DRC11: variants seen among roughly 807,000 people sequenced by gnomAD.
The protein encoded by DRC11 is IQ and AAA domain-containing protein 1.
the DRC11 span, among the ~76,000 whole-genome samples, chr2:236,461,119 T>C: frequency 5.9e-5 from 9 of 152,220 alleles, no homozygotes; most frequent in Non-Finnish European, 1.2e-4. This position sits in a 1 kb window ranked among gnomAD's most constrained non-coding sequence, Gnocchi z 4.0. Context: ...TATTTTAGCA[T>C]ATTTGGGGTT....
the DRC11 span, among the ~76,000 whole-genome samples, chr2:236,450,299 TTTTTC>T: frequency 7.3e-5 from 11 of 150,540 alleles, no homozygotes; most frequent in African/African-American, 2.2e-4. Flanking sequence ...TTGGCTTTCT[TTTTTC>T]TTTTCTTTTC....
the DRC11 span, among the ~76,000 whole-genome samples, chr2:236,398,992 ATT>A: frequency 4.8e-5 from 7 of 144,490 alleles, no homozygotes; most frequent in Admixed American, 1.4e-4. This position sits in a 1 kb window ranked among gnomAD's most constrained non-coding sequence, Gnocchi z 6.2. Context: ...ACCAAAAGGA[ATT>A]TTTTTTTTTT....
chr2:236,480,576 A>G, the DRC11 span, among the ~76,000 whole-genome samples: 3 of 152,150 alleles, frequency 2.0e-5, no homozygotes, highest in South Asian at 6.2e-4. Flanking sequence ...GATTTTTAGA[A>G]GTTATTTCAA....
chr2:236,393,317 G>C, the DRC11 span, among the ~76,000 whole-genome samples: 3 of 152,242 alleles, frequency 2.0e-5, no homozygotes, highest in East Asian at 5.8e-4. The surrounding 1 kb of genome is among the most constrained non-coding windows in gnomAD (Gnocchi z 4.7). Flanking sequence ...ACCTCTAAGG[G>C]ACAAGGGCTG....
chr2:236,445,020 G>A, the DRC11 span, among the ~76,000 whole-genome samples: 116 of 152,296 alleles, frequency 7.6e-4, 1 homozygote, highest in Middle Eastern at 3.4e-3. The surrounding 1 kb of genome is among the most constrained non-coding windows in gnomAD (Gnocchi z 4.8). Flanking sequence ...CAGCCTGGAC[G>A]GGGCTTAGAG....
the DRC11 span, among the ~76,000 whole-genome samples, chr2:236,325,307 T>A: frequency 6.6e-6 from 1 of 152,328 alleles, no homozygotes; most frequent in Middle Eastern, 3.4e-3. The surrounding 1 kb of genome is among the most constrained non-coding windows in gnomAD (Gnocchi z 4.4). Context: ...GACATTTGGG[T>A]TTATAAACTT....
the DRC11 span, among the ~76,000 whole-genome samples, chr2:236,479,830 T>C: frequency 6.6e-6 from 1 of 152,224 alleles, no homozygotes; most frequent in African/African-American, 2.4e-5. This position sits in a 1 kb window ranked among gnomAD's most constrained non-coding sequence, Gnocchi z 4.1. Context: ...CAGTGGCTTT[T>C]AGATCTTTAA....
At chr2:236,318,483 G>A in the DRC11 span, among the ~76,000 whole-genome samples, 2 of 152,084 alleles carry the variant, frequency 1.3e-5, no homozygotes, top group Non-Finnish European at 2.9e-5. The surrounding 1 kb of genome is among the most constrained non-coding windows in gnomAD (Gnocchi z 7.0). Context: ...TGTGTGGGAT[G>A]TATGTATGCA....
At chr2:236,439,470 A>G in the DRC11 span, among the ~76,000 whole-genome samples, 1 of 152,194 alleles carries the variant, frequency 6.6e-6, no homozygotes, top group Admixed American at 6.5e-5. Flanking sequence ...GATAGTGTGT[A>G]TTTGTACTTT....
the DRC11 span, among the ~76,000 whole-genome samples, chr2:236,413,998 C>T: frequency 6.6e-5 from 10 of 152,358 alleles, no homozygotes; most frequent in South Asian, 2.1e-3. The surrounding 1 kb of genome is among the most constrained non-coding windows in gnomAD (Gnocchi z 4.0). Context: ...CTGGCACTAG[C>T]ATTGTCTTCT....
At chr2:236,428,633 T>A in the DRC11 span, among the ~76,000 whole-genome samples, 1 of 152,180 alleles carries the variant, frequency 6.6e-6, no homozygotes, top group South Asian at 2.1e-4. Flanking sequence ...TCCTTAAAGG[T>A]AAAGTTAATC....
At chr2:236,435,564 G>A in the DRC11 span, among the ~76,000 whole-genome samples, 2 of 152,200 alleles carry the variant, frequency 1.3e-5, no homozygotes, top group African/African-American at 4.8e-5. Flanking sequence ...CAATCATGGT[G>A]GAAGGGAAAG....
At chr2:236,464,438 T>G in the DRC11 span, among the ~76,000 whole-genome samples, 1 of 152,192 alleles carries the variant, frequency 6.6e-6, no homozygotes. Context: ...CTTCCCTTCT[T>G]GAAATAAAAT....
the DRC11 span, among the ~76,000 whole-genome samples, chr2:236,461,523 T>G: frequency 2.0e-5 from 3 of 152,228 alleles, no homozygotes; most frequent in Non-Finnish European, 1.5e-5. This position sits in a 1 kb window ranked among gnomAD's most constrained non-coding sequence, Gnocchi z 4.0. Flanking sequence ...GCTTGCACCA[T>G]TCACTGCTTA....
chr2:236,465,481 T>C, the DRC11 span: 1 of 1,596,562 alleles, frequency 6.3e-7, no homozygotes, highest in Non-Finnish European at 8.6e-7. The surrounding 1 kb of genome is among the most constrained non-coding windows in gnomAD (Gnocchi z 6.2). Context: ...AGACTGGATA[T>C]GTCACGATGT....
At chr2:236,357,788 A>C in the DRC11 span, among the ~76,000 whole-genome samples, 1 of 126,642 alleles carries the variant, frequency 7.9e-6, no homozygotes, top group African/African-American at 3.1e-5. Flanking sequence ...TATGTTATAT[A>C]TACATATACT....
the DRC11 span, among the ~76,000 whole-genome samples, chr2:236,466,503 G>T: frequency 2.6e-5 from 4 of 152,198 alleles, no homozygotes. Context: ...TTGGCTCACA[G>T]TTCTGCAGGC....
chr2:236,438,780 A>G, the DRC11 span, among the ~76,000 whole-genome samples: 1 of 152,072 alleles, frequency 6.6e-6, no homozygotes, highest in Non-Finnish European at 1.5e-5. Flanking sequence ...TTTCAGCACC[A>G]CACCACACCT....
chr2:236,385,002 T>C, the DRC11 span, among the ~76,000 whole-genome samples: 2 of 152,112 alleles, frequency 1.3e-5, no homozygotes, highest in South Asian at 2.1e-4. Context: ...AGGGCTCTGT[T>C]CTGTTCCATT....
Sources: allele counts gnomAD v4.1 joint callset (sites outside exome capture counted in the v4.1 genomes callset), GRCh38; gene constraint gnomAD v4.1.1; non-coding constraint Gnocchi (gnomAD v3.1); transcripts MANE v1.5; gene names NCBI Gene and HGNC (gene_info 2026-07-23, HGNC 2026-07-21).